The following SDK2 variants were observed in gnomAD, a reference collection of about 807,000 sequenced individuals.
SDK2 encodes sidekick cell adhesion molecule 2, also known as protein sidekick-2.
SDK2 carries 105 observed loss-of-function variants against 253.9 expected under a neutral mutation model. The ratio of observed to expected loss-of-function variants is 0.41; its 90% CI spans 0.35 to 0.49. The LOEUF (loss-of-function observed/expected upper bound fraction) is 0.49. Ranked by LOEUF, SDK2 falls within the 20% of genes least tolerant of loss-of-function variation. SDK2 has a pLI of 0.06. For missense variants in SDK2, 2,608 were observed against 3,003.0 expected, an observed-to-expected ratio of 0.87 and a Z score of 3.07; for synonymous variants, 1,249 against 1,234.9, an observed-to-expected ratio of 1.01 and a Z score of -0.24.
In SDK2 at chr17:73,381,073, C is replaced by T. The variant is rs979272068; in HGVS notation, c.4706-123G>A. 6.1e-6 allele frequency: 4 copies of T among 654,556 alleles called. No individual in the cohort carries two copies. The South Asian group carries it at 7.2e-5, about 12-fold the overall frequency. The allele number at this position is 654,556 out of a possible 1,614,324, so 40.5% of individuals were successfully genotyped here. A position where few individuals can be genotyped will look rare whatever the true frequency, so the allele number is the denominator to read the frequency against. On this transcript the variant is annotated intron_variant, in intron 33 of 44. Coordinates refer to ENST00000392650, the MANE Select transcript of SDK2 (RefSeq NM_001144952.2). ...AGGCGGGGCTGACGGCGTGAACAGA[C>T]AGGAAGAGTGTTTCCAAATTTCCAA... is the stretch of plus-strand genomic sequence containing the variant.
rs2046058477 is a variant in SDK2 at position 73,616,441 on chromosome 17, C to T, written c.64+27584G>A. On this transcript the variant is annotated intron_variant, in intron 1 of 44. Coordinates refer to ENST00000392650, the MANE Select transcript of SDK2 (RefSeq NM_001144952.2). This position sits in a 1 kb window ranked among gnomAD's most constrained non-coding sequence, Gnocchi z 5.2. The stretch of plus-strand genomic sequence containing the variant: ...GGTGATTTCCTTTCACTTGGGCAGG[C>T]TGACCGTGGCCTCAAGGACCACTGT... Among the ~76,000 whole-genome samples the T allele has an allele frequency of 6.6e-6, 1 of 152,078 alleles. No individual in the cohort carries two copies. The highest frequency in any genetic ancestry group is 2.1e-4 in the South Asian group (1 of 4,816).
chr17:73,572,265 C>A (rs1387973475), intron 1 of SDK2, among the ~76,000 whole-genome samples: 1 of 152,126 alleles, frequency 6.6e-6, no homozygotes, highest in African/African-American at 2.4e-5. Context: ...GTCTGTTTTG[C>A]TGTTTCCCTC....
chr17:73,409,157 A>T (rs1375778938), intron 18 of SDK2, among the ~76,000 whole-genome samples: 1 of 152,022 alleles, frequency 6.6e-6, no homozygotes, highest in East Asian at 1.9e-4. Flanking sequence ...TCTTTCCTCT[A>T]CTTGGGTGGA....
Position 73,419,213 on chromosome 17 carries a change from C to T in SDK2, c.2139G>A (p.Pro713=), listed in dbSNP as rs751647060. The change falls in exon 16 of 45, where the codon CCG becomes CCA. Residue 713 remains proline, a synonymous_variant. Transcript: ENST00000392650. ...TNQSIMIQWQ[P]PPESHQNGIL... is the part of the protein sequence containing the mutation. ...TTCCATTCTGGTGGCTCTCAGGAGG[C>T]GGCTGCCACTGGATCATGATGGACT... 37 of 1,611,984 alleles carry T rather than the reference C, an allele frequency of 2.3e-5. No individual in the cohort carries two copies. The highest frequency in any genetic ancestry group is 3.3e-4 in the Middle Eastern group (2 of 6,058).
chr17:73,349,851 G>A (rs948373257), intron 43 of SDK2, among the ~76,000 whole-genome samples: 11 of 152,212 alleles, frequency 7.2e-5, no homozygotes, highest in Non-Finnish European at 1.5e-4. Flanking sequence ...GGCCTGTCTT[G>A]CCTTTGGGGC....
intron 2 of SDK2, among the ~76,000 whole-genome samples, chr17:73,493,271 T>C (rs776404168): frequency 6.6e-6 from 1 of 152,236 alleles, no homozygotes; most frequent in African/African-American, 2.4e-5. Flanking sequence ...TTAAATTTCC[T>C]TGTGGTGGAA....
intron 1 of SDK2, among the ~76,000 whole-genome samples, chr17:73,604,064 C>T (rs1038091069): frequency 6.6e-6 from 1 of 152,238 alleles, no homozygotes; most frequent in Non-Finnish European, 1.5e-5. Flanking sequence ...GAGATTGCCA[C>T]GCGGAGGGAA....
At chr17:73,368,947 G>C (rs1294693973) in intron 36 of SDK2, among the ~76,000 whole-genome samples, 1 of 151,962 alleles carries the variant, frequency 6.6e-6, no homozygotes. Flanking sequence ...GGGAGGTGGA[G>C]GTTGCAGTGA....
At chr17:73,583,741 G>A (rs1456586911) in intron 1 of SDK2, among the ~76,000 whole-genome samples, 4 of 142,218 alleles carry the variant, frequency 2.8e-5, no homozygotes, top group Non-Finnish European at 6.2e-5. Context: ...TGGTGGGCTG[G>A]GGGCAGGGAG....
intron 2 of SDK2, among the ~76,000 whole-genome samples, chr17:73,499,842 C>A (rs2063871913): frequency 6.7e-6 from 1 of 150,076 alleles, no homozygotes; most frequent in Admixed American, 6.6e-5. Flanking sequence ...CGTGCATGCC[C>A]AATTATGCAT....
chr17:73,339,013 A>G (rs2062408431), intron 44 of SDK2, 73 bp from the exon 45 acceptor site: 2 of 1,334,570 alleles, frequency 1.5e-6, no homozygotes, highest in African/African-American at 2.9e-5. Context: ...GCCGGAAGGC[A>G]CAGGGCATTC....
At chr17:73,625,228 C>T (rs557661577) in intron 1 of SDK2, among the ~76,000 whole-genome samples, 29 of 152,246 alleles carry the variant, frequency 1.9e-4, no homozygotes, top group Non-Finnish European at 3.5e-4. Context: ...GGGCGCGAGG[C>T]GGAATTCCAC....
At chr17:73,527,981 A>G (rs375587644) in intron 1 of SDK2, among the ~76,000 whole-genome samples, 2 of 151,834 alleles carry the variant, frequency 1.3e-5, no homozygotes, top group East Asian at 3.9e-4. Flanking sequence ...GTTAGATTGG[A>G]GGGCGGGGGT....
chr17:73,446,550 G>T (rs555167269), intron 5 of SDK2, among the ~76,000 whole-genome samples: 26 of 152,312 alleles, frequency 1.7e-4, no homozygotes, highest in African/African-American at 6.0e-4. Context: ...GCAAGGCCTG[G>T]GAATGTCCTG....
At chr17:73,434,030 G>A (rs543293598) in intron 9 of SDK2, among the ~76,000 whole-genome samples, 182 bp from the exon 10 acceptor site, 4 of 152,284 alleles carry the variant, frequency 2.6e-5, no homozygotes, top group Non-Finnish European at 5.9e-5. Flanking sequence ...GAAGAAGCCC[G>A]GAGGGGTCAT....
At chr17:73,550,127 A>G (rs1031641887) in intron 1 of SDK2, among the ~76,000 whole-genome samples, 1 of 152,032 alleles carries the variant, frequency 6.6e-6, no homozygotes, top group African/African-American at 2.4e-5. Context: ...TGGCAGGTCT[A>G]GTGCTCCTGA....
At chr17:73,442,217 A>G (rs2063421645) in intron 5 of SDK2, among the ~76,000 whole-genome samples, 1 of 152,250 alleles carries the variant, frequency 6.6e-6, no homozygotes, top group East Asian at 1.9e-4. Flanking sequence ...GCAAGCTGAG[A>G]AGAGAAGCTG....
At position 73,383,957 on chromosome 17, in the gene SDK2, G is replaced by A. The variant is rs773435219; in HGVS notation, c.4624C>T (p.Arg1542Trp). 13 of 1,613,850 alleles carry A rather than the reference G, an allele frequency of 8.1e-6. No homozygotes were observed. Among genetic ancestry groups the A allele is most frequent in the East Asian group, 2.2e-5 (1 of 44,850 alleles). Residue 1542 changes from arginine to tryptophan, a missense_variant, in exon 33 of 45, where the codon CGG (arginine) becomes TGG (tryptophan). Transcript: ENST00000392650. The surrounding 1 kb of genome is among the most constrained non-coding windows in gnomAD (Gnocchi z 4.3). ...CTCAGTCCTTCATAGAGCAGCTCCC[G>A]GTATCGGATCCGGAAGCCCAGGAGG... ...GILLGFRIRY[R>W]ELLYEGLRGF... is the part of the protein sequence containing the mutation.
In SDK2 at chr17:73,642,791, T is replaced by C. The variant is rs1025600595; in HGVS notation, c.64+1234A>G. Among the ~76,000 whole-genome samples, 73 of 152,216 alleles carry C rather than the reference T, an allele frequency of 4.8e-4. No individual in the cohort carries two copies. Among genetic ancestry groups the C allele is most frequent in the Non-Finnish European group, 1.0e-3 (69 of 68,038 alleles). ...TAGGGCTCGTTACAAAATTTCGAAG[T>C]GCTTTTATGTAAATTACCTCGTAAA... On this transcript the variant is annotated intron_variant, in intron 1 of 44. Transcript: ENST00000392650. The surrounding 1 kb of genome is among the most constrained non-coding windows in gnomAD (Gnocchi z 4.7).
Sources: allele counts gnomAD v4.1 joint callset (sites outside exome capture counted in the v4.1 genomes callset), GRCh38; gene constraint gnomAD v4.1.1; non-coding constraint Gnocchi (gnomAD v3.1); transcripts MANE v1.5; gene names NCBI Gene and HGNC (gene_info 2026-07-23, HGNC 2026-07-21).